The following CAPG variants were observed in gnomAD, a reference collection of about 807,000 sequenced individuals.
CAPG encodes capping actin protein, gelsolin like.
CAPG carries 32 observed loss-of-function variants against 44.6 expected under a neutral mutation model. The observed-to-expected ratio is 0.72, with a 90% confidence interval of 0.54 to 0.96. The LOEUF is 0.96. CAPG is among the 50% of genes least tolerant of loss of function. CAPG has a pLI of 0.00. For synonymous variants in CAPG, 175 were observed against 179.6 expected (o/e 0.97, Z 0.20); for missense variants, 412 against 438.3 (o/e 0.94, Z 0.54).
chr2:85,417,309 C>A (rs74418956), intron 1 of CAPG, among the ~76,000 whole-genome samples: 6,312 of 152,098 alleles, frequency 0.041, 166 homozygotes, highest in East Asian at 0.085. Flanking sequence ...GATGAGGAAA[C>A]AGAGATAAAG....
In CAPG at chr2:85,399,277, G is replaced by A. The variant is rs148517446; in HGVS notation, c.525C>T (p.Phe175=). Residue 175 remains phenylalanine (F), a synonymous_variant, in exon 6 of 10, where the codon TTC becomes TTT. Coordinates refer to ENST00000263867, the MANE Select transcript of CAPG (RefSeq NM_001747.4). ...CFILDLGQNI[F]AWCGGKSNIL... is the part of the protein sequence containing the mutation. ...TGTTGGACTTTCCACCACACCAGGC[G>A]AAGATGTTCTGCAAGGAAGCAGGAA... 153 of 1,614,050 alleles carry A rather than the reference G, an allele frequency of 9.5e-5. 1 individual carries two copies. The African/African-American group carries it at 1.4e-3, about 15-fold the overall frequency.
intron 1 of CAPG, among the ~76,000 whole-genome samples, chr2:85,405,783 C>T (rs1286246746): frequency 6.6e-6 from 1 of 152,168 alleles, no homozygotes; most frequent in Non-Finnish European, 1.5e-5. Context: ...GTTTCTCCAT[C>T]CCACAGAGGA....
chr2:85,408,338 T>TCACACACACACA (rs71390065), intron 1 of CAPG, among the ~76,000 whole-genome samples: 8,816 of 129,388 alleles, frequency 0.068, 435 homozygotes, highest in Non-Finnish European at 0.096. Context: ...GAAGAATCTG[T>TCACACACACACA]CACACACACA....
At chr2:85,403,617 G>A (rs11689248) in intron 1 of CAPG, among the ~76,000 whole-genome samples, 7,587 of 152,204 alleles carry the variant, frequency 0.05, 230 homozygotes, top group Non-Finnish European at 0.068. Context: ...GGCTGGACAC[G>A]GTGGCTCACG....
chr2:85,415,969 G>C (rs1687542724), intron 1 of CAPG, among the ~76,000 whole-genome samples: 1 of 151,908 alleles, frequency 6.6e-6, no homozygotes, highest in African/African-American at 2.4e-5. Flanking sequence ...CTCCTTCCTC[G>C]GCCTCCCAAA....
At chr2:85,410,859 T>G (rs1467036557), upstream of CAPG, among the ~76,000 whole-genome samples, 1 of 134,748 alleles carries the variant, frequency 7.4e-6, no homozygotes, top group African/African-American at 2.8e-5. Context: ...TTTTTTGGTT[T>G]TTTTTGTTTT....
chr2:85,398,148 G>A lies in CAPG; in HGVS notation c.764C>T (p.Ser255Phe). ...CAGGTTCATCTGTCCAGTGGCATCAGAGACCTGGGGAGGAGGGACAGTGCC... is the reference window on the plus strand; with the variant it reads ...CAGGTTCATCTGTCCAGTGGCATCAAAGACCTGGGGAGGAGGGACAGTGCC... ...NAQAAALYKV[S>F]DATGQMNLTK... Residue 255 changes from serine (S) to phenylalanine (F), a missense_variant, in exon 8 of 10, where the codon TCT becomes TTT. By Grantham distance (155) the Ser-to-Phe change is radical. Coordinates refer to ENST00000263867, the MANE Select transcript of CAPG (RefSeq NM_001747.4). The A allele has an allele frequency of 6.2e-7, 1 of 1,613,326 alleles. No homozygotes were observed. The highest frequency in any genetic ancestry group is 8.5e-7 in the Non-Finnish European group (1 of 1,179,852).
At chr2:85,414,701 G>A (rs62162749), upstream of CAPG, among the ~76,000 whole-genome samples, 36,007 of 151,878 alleles carry the variant, frequency 0.24, 4,983 homozygotes, top group Non-Finnish European at 0.32. Flanking sequence ...CAAAGTGCTG[G>A]CATTATAGGC....
Position 85,401,244 on chromosome 2 carries a change from T to A in CAPG, c.437A>T (p.Lys146Met). The A allele has an allele frequency of 6.2e-7, 1 of 1,614,190 alleles. No individual in the cohort carries two copies. The highest frequency in any genetic ancestry group is 8.5e-7 in the Non-Finnish European group (1 of 1,180,010). Residue 146 changes from lysine (K) to methionine (M), a missense_variant, in exon 5 of 10, where the codon AAG becomes ATG. Physicochemically the swap from Lys to Met is moderately conservative, Grantham distance 95 (BLOSUM62 -1). Coordinates refer to ENST00000263867, the MANE Select transcript of CAPG (RefSeq NM_001747.4). ...TGCCCGCTCGGTGGCACGGATGTTC[T>A]TCTTCCCCTTCACCTGGTAGAGTTT... is the stretch of plus-strand genomic sequence containing the variant. ...IKKLYQVKGK[K>M]NIRATERALN...
At position 85,395,515 on chromosome 2, in the gene CAPG, T is replaced by C; in HGVS notation, c.981+23A>G. On this transcript the variant is annotated intron_variant, in intron 9 of 9. Coordinates refer to ENST00000263867, the MANE Select transcript of CAPG (RefSeq NM_001747.4). The surrounding 1 kb of genome is among the most constrained non-coding windows in gnomAD (Gnocchi z 4.3). ...ACAGGAAGAGCCCTAGGAAGAGGGC[T>C]GTGGTTGTGCGCATCTCCTCACCTG... 2 of 1,599,810 alleles carry C rather than the reference T, an allele frequency of 1.3e-6. 1 individual carries two copies. The highest frequency in any genetic ancestry group is 2.2e-5 in the South Asian group (2 of 90,268).
chr2:85,411,628 G>A (rs1687414915), upstream of CAPG, among the ~76,000 whole-genome samples: 2 of 152,226 alleles, frequency 1.3e-5, no homozygotes, highest in Non-Finnish European at 2.9e-5. Flanking sequence ...TTGGTCAGCA[G>A]GCTGGCTTGA....
Position 85,399,180 on chromosome 2 carries a change from C to T in CAPG, c.622G>A (p.Val208Met), listed in dbSNP as rs779400081. The part of the protein sequence containing the change: ...RDSERQGKAQ[V>M]EIVTDGEEPA... Reference sequence around the variant, plus strand: ...TCCTCCCCATCAGTGACAATCTCCACCTGGGCCTTGCCCTGTCGCTCACTG... The same window carrying T: ...TCCTCCCCATCAGTGACAATCTCCATCTGGGCCTTGCCCTGTCGCTCACTG... The change falls in exon 6 of 10, where the codon GTG (valine) becomes ATG (methionine). Residue 208 changes from valine (V) to methionine (M), a missense_variant. By Grantham distance (21) the Val-to-Met change is conservative. Transcript: ENST00000263867. 6.8e-6 allele frequency: 11 copies of T among 1,614,144 alleles called. No homozygotes were observed. The highest frequency in any genetic ancestry group is 1.7e-5 in the Admixed American group (1 of 60,016).
intron 2 of CAPG, 58 bp from the exon 3 acceptor site, chr2:85,402,015 G>A (rs1686926130): frequency 1.9e-6 from 3 of 1,612,150 alleles, no homozygotes; most frequent in African/African-American, 1.3e-5. Context: ...GCACAGCCCT[G>A]GGCAGGCCTG....
intron 1 of CAPG, 36 bp from the exon 2 acceptor site, chr2:85,402,194 G>A: frequency 6.4e-7 from 1 of 1,551,574 alleles, no homozygotes; most frequent in Non-Finnish European, 8.8e-7. Flanking sequence ...TATTACAAAT[G>A]CCACAAAAAG....
intron 1 of CAPG, among the ~76,000 whole-genome samples, chr2:85,410,078 G>A (rs575717885): frequency 6.6e-5 from 10 of 152,320 alleles, no homozygotes; most frequent in African/African-American, 1.7e-4. Flanking sequence ...CCATCCTCCC[G>A]GGCAGCTTCA....
intron 1 of CAPG, among the ~76,000 whole-genome samples, chr2:85,402,768 A>G (rs764903485): frequency 2.8e-5 from 4 of 143,204 alleles, no homozygotes; most frequent in Non-Finnish European, 4.6e-5. Flanking sequence ...GCCTGGCCTC[A>G]AGTTGGCTTT....
intron 1 of CAPG, among the ~76,000 whole-genome samples, chr2:85,406,581 G>A (rs982735868): frequency 1.3e-5 from 2 of 152,072 alleles, no homozygotes; most frequent in African/African-American, 2.4e-5. Flanking sequence ...GTTAGGGGCC[G>A]GGCACAGTGG....
chr2:85,395,957 C>T lies in CAPG; in HGVS notation c.893-331G>A. On this transcript the variant is annotated intron_variant, in intron 8 of 9. Transcript: ENST00000263867. The surrounding 1 kb of genome is among the most constrained non-coding windows in gnomAD (Gnocchi z 4.3). The stretch of plus-strand genomic sequence containing the variant: ...CATCAGACTGTGAGGCCGCAGGTCT[C>T]CTTTTCCTCTAGGACCCCTCACCTC... 3.5e-6 allele frequency: 1 copy of T among 287,030 alleles called. No homozygotes were observed. The highest frequency in any genetic ancestry group is 6.6e-6 in the Non-Finnish European group (1 of 150,842). 17.8% of individuals were successfully genotyped at this position (287,030 alleles called of 1,614,324 possible). A position where few individuals can be genotyped will look rare whatever the true frequency, so the allele number is the denominator to read the frequency against.
At chr2:85,408,049 C>G (rs1176594819) in intron 1 of CAPG, among the ~76,000 whole-genome samples, 1 of 152,030 alleles carries the variant, frequency 6.6e-6, no homozygotes, top group Non-Finnish European at 1.5e-5. Context: ...CCATTAAAGC[C>G]CCCTCATCCT....
Sources: gnomAD v4.1 joint callset for allele counts (sites outside exome capture counted in the v4.1 genomes callset) on GRCh38, gnomAD v4.1.1 for gene constraint, Gnocchi (gnomAD v3.1) non-coding constraint, MANE v1.5 for transcripts, NCBI Gene and HGNC (gene_info 2026-07-23, HGNC 2026-07-21) for gene names.